The following GPC5 variants were observed in gnomAD, a reference collection of about 807,000 sequenced individuals.
GPC5 encodes the protein glypican-5.
GPC5 carries 47 observed loss-of-function variants against 53.9 expected under a neutral mutation model. The ratio of observed to expected loss-of-function variants is 0.87; its 90% CI spans 0.69 to 1.11. The LOEUF (loss-of-function observed/expected upper bound fraction) is 1.11. Ranked by LOEUF, GPC5 falls within the 50% of genes most tolerant of loss-of-function variation. The pLI, the probability that GPC5 is intolerant of heterozygous loss-of-function variation, is 0.00. For synonymous variants in GPC5, 286 were observed against 263.3 expected (o/e 1.09, Z -0.84); for missense variants, 748 against 713.1 (o/e 1.05, Z -0.56).
intron 2 of GPC5, among the ~76,000 whole-genome samples, chr13:91,579,624 CTTTTT>C (rs3055895): frequency 6.2e-4 from 64 of 102,618 alleles, no homozygotes; most frequent in Non-Finnish European, 9.3e-4. Flanking sequence ...TTTTCTTTTT[CTTTTT>C]TTTTTTTTTT....
intron 7 of GPC5, among the ~76,000 whole-genome samples, chr13:92,704,734 A>T (rs887697996): frequency 6.6e-6 from 1 of 151,822 alleles, no homozygotes; most frequent in Non-Finnish European, 1.5e-5. Flanking sequence ...ATCATCGGGC[A>T]TATGCAGATA....
At chr13:91,665,494 G>A (rs753671773) in intron 2 of GPC5, among the ~76,000 whole-genome samples, 1 of 132,940 alleles carries the variant, frequency 7.5e-6, no homozygotes, top group African/African-American at 3.4e-5. Context: ...GGGCATTCAG[G>A]AAAAGCCAGT....
intron 7 of GPC5, among the ~76,000 whole-genome samples, chr13:92,735,089 A>G (rs1888904298): frequency 2.0e-5 from 3 of 151,996 alleles, no homozygotes; most frequent in African/African-American, 7.2e-5. Flanking sequence ...CATATTGCCA[A>G]CAAATAGAAA....
chr13:91,672,855 G>A (rs539813756), intron 2 of GPC5, among the ~76,000 whole-genome samples: 68 of 152,218 alleles, frequency 4.5e-4, no homozygotes, highest in African/African-American at 1.5e-3. Context: ...ATGAGAGCAC[G>A]GATAAGGCAA....
chr13:91,994,851 GCTA>G (rs1304974057), intron 6 of GPC5: 4 of 108,650 alleles, frequency 3.7e-5, no homozygotes, highest in African/African-American at 1.5e-4. Flanking sequence ...CAAAAATGAG[GCTA>G]CTATGTTCTG....
At chr13:92,078,338 C>A (rs1594754835) in intron 6 of GPC5, among the ~76,000 whole-genome samples, 1 of 152,146 alleles carries the variant, frequency 6.6e-6, no homozygotes, top group Non-Finnish European at 1.5e-5. Flanking sequence ...GATGCTACTG[C>A]GACTCTTATT....
chr13:91,525,878 T>C (rs961526996), intron 2 of GPC5, among the ~76,000 whole-genome samples: 31 of 152,210 alleles, frequency 2.0e-4, no homozygotes, highest in Admixed American at 2.6e-4. Context: ...ACAATTTTAT[T>C]ACAAAAATGA....
chr13:92,109,800 A>G (rs4771850), intron 6 of GPC5, among the ~76,000 whole-genome samples: 143,813 of 152,192 alleles, frequency 0.94, 68,464 homozygotes, highest in East Asian at 1. Flanking sequence ...TGAGCTAGAT[A>G]TCTTCTATGG....
intron 7 of GPC5, among the ~76,000 whole-genome samples, chr13:92,780,327 A>G (rs1484890930): frequency 2.0e-5 from 3 of 150,998 alleles, no homozygotes; most frequent in Non-Finnish European, 4.4e-5. Context: ...TGTAATTTAT[A>G]TTTCACTTAA....
At chr13:91,805,660 G>A (rs2038208319) in intron 5 of GPC5, among the ~76,000 whole-genome samples, 2 of 152,184 alleles carry the variant, frequency 1.3e-5, no homozygotes, top group African/African-American at 2.4e-5. Flanking sequence ...CATGCCAGAT[G>A]CTCTTTAGAA....
At chr13:91,891,147 T>A (rs1310402810) in intron 5 of GPC5, among the ~76,000 whole-genome samples, 1 of 152,178 alleles carries the variant, frequency 6.6e-6, no homozygotes, top group Non-Finnish European at 1.5e-5. Flanking sequence ...TATAGGTAGA[T>A]AACAAGAACT....
intron 7 of GPC5, among the ~76,000 whole-genome samples, chr13:92,490,755 C>T (rs1200868452): frequency 4.6e-5 from 7 of 151,980 alleles, no homozygotes; most frequent in African/African-American, 1.4e-4. Context: ...AGGAATTAAC[C>T]GTGTAACAGA....
intron 6 of GPC5, among the ~76,000 whole-genome samples, chr13:92,117,716 CTT>C (rs1266003553): frequency 6.6e-6 from 1 of 152,082 alleles, no homozygotes; most frequent in African/African-American, 2.4e-5. Flanking sequence ...TTCATAAACA[CTT>C]TATTTTTTGT....
intron 7 of GPC5, among the ~76,000 whole-genome samples, chr13:92,537,459 T>C (rs1429201344): frequency 6.6e-6 from 1 of 152,160 alleles, no homozygotes; most frequent in Non-Finnish European, 1.5e-5. Context: ...TCACAGACTA[T>C]AAATTCCACT....
At position 92,746,809 on chromosome 13, in the gene GPC5, A is replaced by T. The variant is rs535432334; in HGVS notation, c.1562-119473A>T. On this transcript the variant is annotated intron_variant, in intron 7 of 7. Coordinates refer to ENST00000377067, the MANE Select transcript of GPC5 (RefSeq NM_004466.6). The stretch of plus-strand genomic sequence containing the variant: ...AAGGATTTGGCTCCTTGATTCATTA[A>T]CATATACAGTCATGCTTTGCTAGGT... Among the ~76,000 whole-genome samples the T allele has an allele frequency of 2.0e-5, 3 of 152,238 alleles. No individual in the cohort carries two copies. The East Asian group carries it at 5.8e-4, about 29-fold the overall frequency.
chr13:92,825,215 T>C (rs766689975), intron 7 of GPC5, among the ~76,000 whole-genome samples: 1 of 152,130 alleles, frequency 6.6e-6, no homozygotes. Flanking sequence ...GAGGTTTCAG[T>C]TGAAGTCAAA....
At chr13:91,660,528 T>C (rs190118254) in intron 2 of GPC5, among the ~76,000 whole-genome samples, 1 of 152,320 alleles carries the variant, frequency 6.6e-6, no homozygotes, top group East Asian at 1.9e-4. Context: ...CTGAGACTCT[T>C]CCTGTAAGTT....
chr13:92,142,227 G>A lies in GPC5; in HGVS notation c.1402-2603G>A, dbSNP rs554907988. Among the ~76,000 whole-genome samples, 41 of 152,242 alleles carry A rather than the reference G, an allele frequency of 2.7e-4. 1 individual carries two copies. The highest frequency in any genetic ancestry group is 9.9e-4 in the African/African-American group (41 of 41,548). On this transcript the variant is annotated intron_variant, in intron 6 of 7. Coordinates refer to ENST00000377067, the MANE Select transcript of GPC5 (RefSeq NM_004466.6). ...AAAAAGGGAAAAAAATCATGTGGTT[G>A]CATTATTCCAAGCAGATCATCTCCC...
intron 4 of GPC5, among the ~76,000 whole-genome samples, chr13:91,748,484 G>A (rs79326524): frequency 0.066 from 10,028 of 152,234 alleles, 331 homozygotes; most frequent in Middle Eastern, 0.092. Flanking sequence ...CCTTGTAGGA[G>A]CTTCTAATTC....
Sources: allele counts gnomAD v4.1 joint callset (sites outside exome capture counted in the v4.1 genomes callset), GRCh38; gene constraint gnomAD v4.1.1; transcripts MANE v1.5; gene names NCBI Gene and HGNC (gene_info 2026-07-23, HGNC 2026-07-21).